ZNF532: variants seen among roughly 807,000 people sequenced by gnomAD.
The protein encoded by ZNF532 is zinc finger protein 532.
Under a neutral mutation model 89.3 loss-of-function variants are expected in ZNF532, and 22 were observed. That is an observed-to-expected ratio of 0.25 (90% CI 0.18 to 0.35). The LOEUF (loss-of-function observed/expected upper bound fraction) is 0.35, where lower values mean the gene tolerates loss of function less well. ZNF532 is among the 10% of genes least tolerant of loss of function. The pLI, the probability that ZNF532 is intolerant of heterozygous loss-of-function variation, is 1.00. For synonymous variants in ZNF532, 606 were observed against 649.6 expected, an observed-to-expected ratio of 0.93 and a Z score of 1.02; for missense variants, 1,132 against 1,643.4, an observed-to-expected ratio of 0.69 and a Z score of 5.38.
chr18:58,879,025 C>T (rs540546559), intron 2 of ZNF532, among the ~76,000 whole-genome samples: 1 of 152,310 alleles, frequency 6.6e-6, no homozygotes, highest in East Asian at 1.9e-4. Context: ...TTGCAGTTCT[C>T]AAGGCCAAAA....
chr18:58,863,349 G>A (rs1256066346), upstream of ZNF532: 1 of 149,966 alleles, frequency 6.7e-6, no homozygotes, highest in African/African-American at 2.4e-5. Context: ...CCTTCTCGCC[G>A]CCGCCGGACT....
intron 2 of ZNF532, among the ~76,000 whole-genome samples, chr18:58,884,484 A>T (rs36056086): frequency 0.22 from 33,973 of 152,078 alleles, 4,331 homozygotes; most frequent in Middle Eastern, 0.41. Context: ...TTTAGGACCT[A>T]ACGCACAAAA....
chr18:58,956,641 A>G (rs1032669482), intron 7 of ZNF532, among the ~76,000 whole-genome samples: 7 of 152,052 alleles, frequency 4.6e-5, no homozygotes, highest in Admixed American at 3.3e-4. Flanking sequence ...CTTGCTGTCT[A>G]TATCTTTCCT....
At chr18:58,976,950 C>T (rs2067128122) in intron 7 of ZNF532, among the ~76,000 whole-genome samples, 1 of 152,194 alleles carries the variant, frequency 6.6e-6, no homozygotes, top group Non-Finnish European at 1.5e-5. Flanking sequence ...CTCTTAGTCA[C>T]TCTTTTGCTG....
intron 2 of ZNF532, among the ~76,000 whole-genome samples, chr18:58,912,960 G>T (rs1038746862): frequency 1.3e-5 from 2 of 152,086 alleles, no homozygotes; most frequent in Non-Finnish European, 2.9e-5. Flanking sequence ...ACTGACCCAT[G>T]TCCCCAGCTG....
chr18:58,886,121 T>C (rs570349314), intron 2 of ZNF532, among the ~76,000 whole-genome samples: 1 of 151,964 alleles, frequency 6.6e-6, no homozygotes, highest in African/African-American at 2.4e-5. Flanking sequence ...GGACTACAGG[T>C]GTGTGCCACC....
chr18:58,922,645 A>G (rs1363125137), intron 3 of ZNF532, among the ~76,000 whole-genome samples: 1 of 152,188 alleles, frequency 6.6e-6, no homozygotes, highest in African/African-American at 2.4e-5. Flanking sequence ...TCATCCTAAC[A>G]GGATGCAGTA....
Position 58,983,980 on chromosome 18 carries a change from T to C in ZNF532, c.3420T>C (p.Ser1140=). Residue 1140 remains serine (S), a synonymous_variant, in exon 10 of 10, where the codon AGT becomes AGC. Coordinates refer to ENST00000591808, the MANE Select transcript of ZNF532 (RefSeq NM_001375912.1). ...TEIKEDTKVP[S]PKRKLEEPVL... ...CTTTCTTTCCCTGAAAGGTCCCCAG[T>C]CCCAAGCGGAAGTTGGAAGAACCAG... 6.2e-7 allele frequency: 1 copy of C among 1,608,226 alleles called. No individual in the cohort carries two copies. Among genetic ancestry groups the C allele is most frequent in the Non-Finnish European group, 8.5e-7 (1 of 1,177,548 alleles).
intron 2 of ZNF532, among the ~76,000 whole-genome samples, chr18:58,874,390 G>A (rs545076135): frequency 1.3e-5 from 2 of 152,252 alleles, no homozygotes; most frequent in African/African-American, 4.8e-5. Flanking sequence ...TGTTGCCCAG[G>A]TTGGAGTGCA....
At chr18:58,969,036 G>A (rs1185575192) in intron 7 of ZNF532, among the ~76,000 whole-genome samples, 1 of 152,162 alleles carries the variant, frequency 6.6e-6, no homozygotes, top group Admixed American at 6.5e-5. Context: ...GAATGAATAA[G>A]GACTTGTAAG....
intron 3 of ZNF532, among the ~76,000 whole-genome samples, chr18:58,927,929 C>T (rs762654391): frequency 7.9e-5 from 12 of 152,160 alleles, no homozygotes; most frequent in Non-Finnish European, 1.8e-4. Context: ...TTTCTTAGCC[C>T]CGTCTTTAAA....
chr18:58,972,119 A>T (rs530989783), intron 7 of ZNF532, among the ~76,000 whole-genome samples: 1 of 152,310 alleles, frequency 6.6e-6, no homozygotes, highest in African/African-American at 2.4e-5. Context: ...TACGAGAATC[A>T]CTTGAATCCC....
intron 5 of ZNF532, among the ~76,000 whole-genome samples, chr18:58,942,105 C>T (rs1489381188): frequency 2.0e-5 from 3 of 150,910 alleles, no homozygotes; most frequent in Admixed American, 2.0e-4. Flanking sequence ...TCACTGCAAG[C>T]TCCACCTCCC....
In ZNF532 at chr18:58,951,647, T is replaced by TG. The variant is rs1555746490; in HGVS notation, c.2869-1871_2869-1870insG. On this transcript the variant is annotated intron_variant, in intron 6 of 9. Coordinates refer to ENST00000591808, the MANE Select transcript of ZNF532 (RefSeq NM_001375912.1). ...AATCACCTCAGCCCTCGCCCTGTTG[T>TG]TTTTTTTTTTTTTTTTTTTTGAGAT... Among the ~76,000 whole-genome samples, 15 of 27,736 alleles carry TG rather than the reference T, an allele frequency of 5.4e-4. No homozygotes were observed. In the East Asian group the frequency reaches 0.031, roughly 58 times the overall value. The allele number at this position is 27,736 out of a possible 152,430, so 18.2% of individuals were successfully genotyped here.
chr18:58,888,237 G>C (rs2058440702), intron 2 of ZNF532, among the ~76,000 whole-genome samples: 1 of 152,138 alleles, frequency 6.6e-6, no homozygotes, highest in Non-Finnish European at 1.5e-5. Flanking sequence ...GAACTTTCAT[G>C]TGATTTTAGC....
At chr18:58,973,600 A>G (rs559149870) in intron 7 of ZNF532, among the ~76,000 whole-genome samples, 1 of 152,172 alleles carries the variant, frequency 6.6e-6, no homozygotes, top group Non-Finnish European at 1.5e-5. Flanking sequence ...AAACAGTTAG[A>G]CAGTTTCTTA....
At chr18:58,867,913 A>G (rs1009404004) in intron 2 of ZNF532, among the ~76,000 whole-genome samples, 25 of 152,046 alleles carry the variant, frequency 1.6e-4, no homozygotes, top group Non-Finnish European at 2.5e-4. Context: ...CCCTGCCCCC[A>G]CCCACCTTGA....
At chr18:58,889,171 C>T (rs989588104) in intron 2 of ZNF532, among the ~76,000 whole-genome samples, 9 of 151,326 alleles carry the variant, frequency 5.9e-5, no homozygotes, top group Non-Finnish European at 7.4e-5. Context: ...TTTCTCTTTC[C>T]GTGATTTTCT....
intron 7 of ZNF532, among the ~76,000 whole-genome samples, chr18:58,976,730 A>C (rs1568464185): frequency 6.6e-6 from 1 of 152,120 alleles, no homozygotes; most frequent in Non-Finnish European, 1.5e-5. Flanking sequence ...ACGGGGTTTC[A>C]CCATGTTGGC....
Sources: allele counts gnomAD v4.1 joint callset (sites outside exome capture counted in the v4.1 genomes callset), GRCh38; gene constraint gnomAD v4.1.1; transcripts MANE v1.5; gene names NCBI Gene and HGNC (gene_info 2026-07-23, HGNC 2026-07-21).